The following LSAMP variants were observed in gnomAD, a reference collection of about 807,000 sequenced individuals.
The protein encoded by LSAMP is limbic system-associated membrane protein.
Under a neutral mutation model 38.6 loss-of-function variants are expected in LSAMP, and 7 were observed. That is an observed-to-expected ratio of 0.18 (90% CI 0.10 to 0.34). LSAMP has a LOEUF of 0.34. Ranked by LOEUF, LSAMP falls within the 10% of genes least tolerant of loss-of-function variation. The pLI, the probability that LSAMP is intolerant of heterozygous loss-of-function variation, is 1.00. For missense variants in LSAMP, 313 were observed against 420.0 expected (o/e 0.75, Z 2.23); for synonymous variants, 154 against 166.8 (o/e 0.92, Z 0.59).
intron 1 of LSAMP, among the ~76,000 whole-genome samples, chr3:116,197,163 A>ACACACACACTCT (rs1268040540): frequency 7.9e-5 from 11 of 139,208 alleles, no homozygotes; most frequent in East Asian, 5.0e-4. Context: ...ACACACACAC[A>ACACACACACTCT]CTCTCTCTCT....
chr3:116,110,913 T>C (rs1273307606), intron 1 of LSAMP, among the ~76,000 whole-genome samples: 1 of 150,730 alleles, frequency 6.6e-6, no homozygotes, highest in African/African-American at 2.5e-5. Context: ...CGAAGGGAGG[T>C]AGGGGTGGGG....
At chr3:116,000,521 C>T (rs1939959318) in intron 3 of LSAMP, among the ~76,000 whole-genome samples, 1 of 152,154 alleles carries the variant, frequency 6.6e-6, no homozygotes, top group Admixed American at 6.5e-5. Context: ...TGTGGGAAAG[C>T]ACCTGGTACA....
At position 115,857,871 on chromosome 3, in the gene LSAMP, C is replaced by T. The variant is rs80228663; in HGVS notation, c.515-5254G>A. ...AATGGCAAGAGAAAAGTGTTCTCTC[C>T]TGTGTTCCCCAATGTGGAGGCAAAT... On this transcript the variant is annotated intron_variant, in intron 3 of 6. Transcript: ENST00000490035. Among the ~76,000 whole-genome samples, 822 of 152,240 alleles carry T rather than the reference C, an allele frequency of 5.4e-3. 6 individuals are homozygous for T. The highest frequency in any genetic ancestry group is 0.017 in the African/African-American group (686 of 41,540).
chr3:116,302,547 T>C (rs1480658544), intron 1 of LSAMP, among the ~76,000 whole-genome samples: 2 of 152,224 alleles, frequency 1.3e-5, no homozygotes, highest in East Asian at 3.9e-4. Context: ...ACATAGGAGG[T>C]AGTTCATAAC....
At chr3:116,319,043 T>TG (rs10662487) in intron 1 of LSAMP, among the ~76,000 whole-genome samples, 7,060 of 150,340 alleles carry the variant, frequency 0.047, 562 homozygotes, top group African/African-American at 0.16. Flanking sequence ...TGTATAGAAT[T>TG]GGGGGGGTGG....
At chr3:116,434,193 T>C (rs1414949495) in intron 1 of LSAMP, among the ~76,000 whole-genome samples, 1 of 152,214 alleles carries the variant, frequency 6.6e-6, no homozygotes, top group Non-Finnish European at 1.5e-5. Context: ...TCTGATCTTC[T>C]TCTAATGTGT....
intron 2 of LSAMP, among the ~76,000 whole-genome samples, chr3:116,041,631 T>G (rs908165886): frequency 3.3e-5 from 5 of 151,576 alleles, no homozygotes; most frequent in Admixed American, 6.6e-5. Context: ...CATAGAGATG[T>G]GTACCATAAA....
chr3:115,989,397 C>T (rs946483464), intron 3 of LSAMP, among the ~76,000 whole-genome samples: 3 of 152,074 alleles, frequency 2.0e-5, no homozygotes, highest in Non-Finnish European at 2.9e-5. Context: ...AATAACAAAG[C>T]TTGATATTGC....
chr3:116,034,115 A>G (rs1372987872), intron 2 of LSAMP, among the ~76,000 whole-genome samples: 2 of 152,058 alleles, frequency 1.3e-5, no homozygotes, highest in African/African-American at 4.8e-5. Flanking sequence ...ACAAAGCAAG[A>G]ATTAGGACAA....
chr3:115,905,010 A>G (rs1936974043), intron 3 of LSAMP, among the ~76,000 whole-genome samples: 1 of 152,060 alleles, frequency 6.6e-6, no homozygotes, highest in Admixed American at 6.6e-5. Flanking sequence ...AACTCCTTGA[A>G]GAATTTGTGA....
intron 1 of LSAMP, among the ~76,000 whole-genome samples, chr3:116,371,722 A>G (rs2048431564): frequency 6.6e-6 from 1 of 152,096 alleles, no homozygotes; most frequent in Non-Finnish European, 1.5e-5. Context: ...GGAGTATCCA[A>G]ATTGAAATGG....
chr3:115,963,394 G>C (rs1938693532), intron 3 of LSAMP, among the ~76,000 whole-genome samples: 1 of 152,156 alleles, frequency 6.6e-6, no homozygotes, highest in African/African-American at 2.4e-5. Flanking sequence ...ATTGTTCTCT[G>C]AGAGTATATT....
At chr3:115,873,614 A>T (rs975688948) in intron 3 of LSAMP, among the ~76,000 whole-genome samples, 1 of 152,112 alleles carries the variant, frequency 6.6e-6, no homozygotes, top group African/African-American at 2.4e-5. Context: ...TGTATAGTAT[A>T]ATAGAGTATT....
chr3:116,209,718 C>G (rs1414105835), intron 1 of LSAMP, among the ~76,000 whole-genome samples: 3 of 152,006 alleles, frequency 2.0e-5, no homozygotes, highest in Admixed American at 6.6e-5. Context: ...TCTGATTGAA[C>G]AAATACATTT....
chr3:115,992,269 C>T (rs1939692145), intron 3 of LSAMP, among the ~76,000 whole-genome samples: 1 of 152,002 alleles, frequency 6.6e-6, no homozygotes, highest in African/African-American at 2.4e-5. Context: ...TGTAAGCTCT[C>T]ATTTGCAATG....
chr3:115,878,078 A>C (rs1023237044), intron 3 of LSAMP, among the ~76,000 whole-genome samples: 8 of 152,158 alleles, frequency 5.3e-5, no homozygotes, highest in African/African-American at 1.9e-4. Context: ...AGTATATGTG[A>C]AGTGTGGGAG....
At chr3:115,980,078 A>G (rs973288492) in intron 3 of LSAMP, among the ~76,000 whole-genome samples, 4 of 152,126 alleles carry the variant, frequency 2.6e-5, no homozygotes, top group African/African-American at 9.7e-5. Flanking sequence ...AGTTACATTT[A>G]TTATTAAAAA....
chr3:115,890,587 A>G (rs1936574091), intron 3 of LSAMP, among the ~76,000 whole-genome samples: 1 of 151,886 alleles, frequency 6.6e-6, no homozygotes, highest in Non-Finnish European at 1.5e-5. Context: ...CTCACTTTCT[A>G]TCCATTCTTT....
intron 1 of LSAMP, among the ~76,000 whole-genome samples, chr3:116,200,854 C>G (rs2045978562): frequency 6.6e-6 from 1 of 152,214 alleles, no homozygotes; most frequent in African/African-American, 2.4e-5. Flanking sequence ...TTGTTCTCTT[C>G]TATTTGTAGG....
Sources: gnomAD v4.1 joint callset for allele counts (sites outside exome capture counted in the v4.1 genomes callset) on GRCh38, gnomAD v4.1.1 for gene constraint, MANE v1.5 for transcripts, NCBI Gene and HGNC (gene_info 2026-07-23, HGNC 2026-07-21) for gene names.